The following DLGAP1 variants were observed in gnomAD, a reference collection of about 807,000 sequenced individuals.
DLGAP1 encodes disks large-associated protein 1.
Under a neutral mutation model 90.8 loss-of-function variants are expected in DLGAP1, and 11 were observed. That is an observed-to-expected ratio of 0.12 (90% CI 0.08 to 0.20). The LOEUF is 0.20. Ranked by LOEUF, DLGAP1 falls within the 10% of genes least tolerant of loss-of-function variation. The pLI, the probability that DLGAP1 is intolerant of heterozygous loss-of-function variation, is 1.00. For missense variants in DLGAP1, 1,050 were observed against 1,333.8 expected (o/e 0.79, Z 3.31); for synonymous variants, 558 against 540.7 (o/e 1.03, Z -0.44).
At chr18:4,451,779 T>C (rs1476179811) in intron 1 of DLGAP1, among the ~76,000 whole-genome samples, 2 of 152,222 alleles carry the variant, frequency 1.3e-5, no homozygotes, top group Non-Finnish European at 1.5e-5. Flanking sequence ...CATTCAGGTG[T>C]TTCAACAACA....
At chr18:3,608,015 G>A (rs529926199) in intron 7 of DLGAP1, 2 of 152,234 alleles carry the variant, frequency 1.3e-5, no homozygotes, top group Admixed American at 1.3e-4. Flanking sequence ...GCCATCGGGG[G>A]ACCACAGAAA....
At chr18:3,813,274 C>G (rs1264102485) in intron 5 of DLGAP1, among the ~76,000 whole-genome samples, 1 of 152,090 alleles carries the variant, frequency 6.6e-6, no homozygotes, top group Non-Finnish European at 1.5e-5. Flanking sequence ...CAAATACTTA[C>G]CATTGTGTGA....
intron 8 of DLGAP1, among the ~76,000 whole-genome samples, chr18:3,570,371 C>T (rs965301027): frequency 4.0e-5 from 6 of 151,466 alleles, no homozygotes; most frequent in Non-Finnish European, 7.4e-5. Flanking sequence ...CTCCACCTCC[C>T]GGGTTCAAGT....
At chr18:3,710,854 G>A (rs564906655) in intron 7 of DLGAP1, among the ~76,000 whole-genome samples, 3 of 152,274 alleles carry the variant, frequency 2.0e-5, no homozygotes, top group African/African-American at 7.2e-5. Flanking sequence ...TGGAAGCAGC[G>A]CCAGAGCCCT....
chr18:3,514,802 G>A (rs1263158755), intron 10 of DLGAP1, among the ~76,000 whole-genome samples: 1 of 152,216 alleles, frequency 6.6e-6, no homozygotes, highest in Admixed American at 6.5e-5. Context: ...ATCTTCTTGC[G>A]GAGGGAGGGT....
chr18:3,600,487 C>T (rs1001216870), intron 7 of DLGAP1, among the ~76,000 whole-genome samples: 38 of 152,026 alleles, frequency 2.5e-4, no homozygotes, highest in African/African-American at 8.9e-4. Context: ...CCACCTGCCT[C>T]GGCCTCCCAA....
chr18:3,538,655 C>T (rs1470169498), intron 9 of DLGAP1, among the ~76,000 whole-genome samples: 5 of 152,182 alleles, frequency 3.3e-5, no homozygotes, highest in Admixed American at 3.3e-4. Context: ...GGCTGTTCTG[C>T]TAACATGAAA....
rs2055063862 is a variant in DLGAP1 at position 3,575,428 on chromosome 18, T to C, written c.1965+6447A>G. Among the ~76,000 whole-genome samples, 5 of 152,164 alleles carry C rather than the reference T, an allele frequency of 3.3e-5. No individual in the cohort carries two copies. The South Asian group carries it at 1.0e-3, about 31-fold the overall frequency. On this transcript the variant is annotated intron_variant, in intron 8 of 12. Coordinates refer to ENST00000315677, the MANE Select transcript of DLGAP1 (RefSeq NM_004746.4). The stretch of plus-strand genomic sequence containing the variant: ...TGAGTTAAATGATAATATATGGAAA[T>C]CATAATGTACCATCAGGAAGTAGAG...
intron 1 of DLGAP1, among the ~76,000 whole-genome samples, chr18:4,425,404 G>A (rs1225433806): frequency 1.3e-5 from 2 of 152,142 alleles, no homozygotes; most frequent in Non-Finnish European, 2.9e-5. Flanking sequence ...GAAGGAAGGT[G>A]CCACGTCCAC....
chr18:4,316,735 T>C (rs932123781), intron 1 of DLGAP1, among the ~76,000 whole-genome samples: 2 of 152,214 alleles, frequency 1.3e-5, no homozygotes, highest in African/African-American at 4.8e-5. Context: ...TGACACTTTG[T>C]TCTCACACTG....
chr18:3,897,868 C>T (rs1599130017), intron 3 of DLGAP1, among the ~76,000 whole-genome samples: 1 of 146,410 alleles, frequency 6.8e-6, no homozygotes, highest in Non-Finnish European at 1.5e-5. Context: ...AATCTCGGCT[C>T]ACTGCAAGCT....
intron 5 of DLGAP1, among the ~76,000 whole-genome samples, chr18:3,751,542 C>T (rs2063493933): frequency 6.7e-6 from 1 of 150,192 alleles, no homozygotes. Flanking sequence ...AAGTGATCCT[C>T]CTGTGACCCG....
intron 4 of DLGAP1, among the ~76,000 whole-genome samples, chr18:3,827,134 A>G (rs1380940988): frequency 7.9e-5 from 12 of 152,178 alleles, no homozygotes; most frequent in Admixed American, 7.9e-4. Flanking sequence ...GATGTTGAAT[A>G]GGGTAGCTTA....
At chr18:3,520,738 T>C (rs906896109) in intron 10 of DLGAP1, among the ~76,000 whole-genome samples, 1 of 152,220 alleles carries the variant, frequency 6.6e-6, no homozygotes, top group Non-Finnish European at 1.5e-5. Context: ...ACCTGTTCCA[T>C]GGGTACTTTA....
intron 2 of DLGAP1, among the ~76,000 whole-genome samples, chr18:4,073,308 C>G (rs2075476876): frequency 6.6e-6 from 1 of 152,100 alleles, no homozygotes; most frequent in Non-Finnish European, 1.5e-5. Context: ...AAAATAGACT[C>G]TAAGGTAAAA....
At position 4,099,296 on chromosome 18, in the gene DLGAP1, C is replaced by CATCTATCT. The variant is rs35397168; in HGVS notation, c.-159+51876_-159+51883dup. Among the ~76,000 whole-genome samples the CATCTATCT allele has an allele frequency of 1.7e-3, 240 of 144,048 alleles. 2 individuals are homozygous for CATCTATCT. Among genetic ancestry groups the CATCTATCT allele is most frequent in the Middle Eastern group, 3.5e-3 (1 of 282 alleles). The allele number at this position is 144,048 out of a possible 152,430, so 94.5% of individuals were successfully genotyped here. A position where few individuals can be genotyped will look rare whatever the true frequency, so the allele number is the denominator to read the frequency against. ...TCTATCTATCTATCTATCTGTCTAT[C>CATCTATCT]ATCTATCTATCTATCTATCTATCTA... On this transcript the variant is annotated intron_variant, in intron 2 of 12. Transcript: ENST00000315677.
intron 1 of DLGAP1, among the ~76,000 whole-genome samples, chr18:4,439,040 C>T (rs2083466712): frequency 6.6e-6 from 1 of 152,208 alleles, no homozygotes; most frequent in African/African-American, 2.4e-5. Flanking sequence ...ATGCCTCCTT[C>T]CTGCCTTGAT....
intron 6 of DLGAP1, among the ~76,000 whole-genome samples, chr18:3,740,650 A>AT (rs1012611645): frequency 6.6e-6 from 1 of 151,838 alleles, no homozygotes; most frequent in Non-Finnish European, 1.5e-5. Flanking sequence ...CCATTTCATA[A>AT]TTTTTTCTGA....
At chr18:4,015,382 A>G (rs1469971385) in intron 2 of DLGAP1, among the ~76,000 whole-genome samples, 1 of 152,126 alleles carries the variant, frequency 6.6e-6, no homozygotes, top group Non-Finnish European at 1.5e-5. Context: ...TGATGGATCC[A>G]CACACCCTAA....
Sources: gnomAD v4.1 joint callset for allele counts (sites outside exome capture counted in the v4.1 genomes callset) on GRCh38, gnomAD v4.1.1 for gene constraint, MANE v1.5 for transcripts, NCBI Gene and HGNC (gene_info 2026-07-23, HGNC 2026-07-21) for gene names.